Variants in FIGN observed in about 807,000 individuals in gnomAD.
FIGN encodes the protein fidgetin.
In FIGN, 11 loss-of-function variants were observed where a neutral mutation model predicts 51.3. That is an observed-to-expected ratio of 0.21 (90% CI 0.13 to 0.35). FIGN has a LOEUF of 0.35. Among genes scored for constraint, FIGN ranks in the 10% least tolerant of loss-of-function variants. The pLI, the probability that FIGN is intolerant of heterozygous loss-of-function variation, is 1.00. For missense variants in FIGN, 857 were observed against 943.6 expected, an observed-to-expected ratio of 0.91 and a Z score of 1.20; for synonymous variants, 407 against 363.2, an observed-to-expected ratio of 1.12 and a Z score of -1.37.
intron 2 of FIGN, among the ~76,000 whole-genome samples, chr2:163,645,045 T>C (rs1181250497): frequency 1.3e-5 from 2 of 152,174 alleles, no homozygotes; most frequent in African/African-American, 4.8e-5. Context: ...TACTAGAAAC[T>C]ATTGAACTGT....
In FIGN at chr2:163,709,346, T is replaced by C. The variant is rs78914192; in HGVS notation, c.25+25557A>G. Among the ~76,000 whole-genome samples, 589 of 152,264 alleles carry C rather than the reference T, an allele frequency of 3.9e-3. 4 individuals carry two copies. The highest frequency in any genetic ancestry group is 0.014 in the African/African-American group (572 of 41,558). ...ACAACTAGCTAATTACATGGGATCA[T>C]CTTTCACTTAATTGAAACTACATGC... On this transcript the variant is annotated intron_variant, in intron 2 of 2. Coordinates refer to ENST00000333129, the MANE Select transcript of FIGN (RefSeq NM_018086.4).
At chr2:163,696,110 C>G (rs546074260) in intron 2 of FIGN, among the ~76,000 whole-genome samples, 1 of 150,946 alleles carries the variant, frequency 6.6e-6, no homozygotes, top group African/African-American at 2.4e-5. Flanking sequence ...GACTCCATCT[C>G]AAAAAAACAA....
intron 2 of FIGN, among the ~76,000 whole-genome samples, chr2:163,663,909 GAT>G (rs902347820): frequency 6.8e-5 from 10 of 146,722 alleles, no homozygotes; most frequent in Non-Finnish European, 1.4e-4. Context: ...AAAAAAAAAA[GAT>G]AGTTTACTCT....
At chr2:163,730,499 C>CATGTTTGT (rs758257214) in intron 2 of FIGN, among the ~76,000 whole-genome samples, 2 of 128,178 alleles carry the variant, frequency 1.6e-5, no homozygotes, top group South Asian at 2.3e-4. Flanking sequence ...TCTCTTGCTC[C>CATGTTTGT]GTGTTTGTGT....
At position 163,675,706 on chromosome 2, in the gene FIGN, CTTTTTTTTTTT is replaced by C. The variant is rs900840520; in HGVS notation, c.25+59186_25+59196del. Among the ~76,000 whole-genome samples, 236 of 100,522 alleles carry C rather than the reference CTTTTTTTTTTT, an allele frequency of 2.3e-3. 1 individual carries two copies. Among genetic ancestry groups the C allele is most frequent in the South Asian group, 4.8e-3 (14 of 2,938 alleles). The allele number at this position is 100,522 out of a possible 152,430, so 65.9% of individuals were successfully genotyped here. ...TGAATGTCTTTTCTTTTCTTTCTTT[CTTTTTTTTTTT>C]TTTTTTTTTTTTGTACAAGCATGTC... is the stretch of plus-strand genomic sequence containing the variant. On this transcript the variant is annotated intron_variant, in intron 2 of 2. Transcript: ENST00000333129.
chr2:163,695,919 C>T (rs1031995646), intron 2 of FIGN, among the ~76,000 whole-genome samples: 8 of 152,080 alleles, frequency 5.3e-5, no homozygotes, highest in African/African-American at 9.7e-5. Flanking sequence ...ACCAGCCTGG[C>T]CAATATGGTG....
chr2:163,703,839 C>G (rs1311201887), intron 2 of FIGN, among the ~76,000 whole-genome samples: 1 of 152,102 alleles, frequency 6.6e-6, no homozygotes, highest in Non-Finnish European at 1.5e-5. Context: ...AAAAGAATCT[C>G]CATCCTTCTA....
intron 2 of FIGN, among the ~76,000 whole-genome samples, chr2:163,661,725 T>A (rs571685376): frequency 6.6e-6 from 1 of 152,292 alleles, no homozygotes; most frequent in East Asian, 1.9e-4. Flanking sequence ...TCCCATGCTA[T>A]TCCCGTGTTA....
chr2:163,644,997 A>C (rs1405906788), intron 2 of FIGN, among the ~76,000 whole-genome samples: 1 of 152,162 alleles, frequency 6.6e-6, no homozygotes, highest in Non-Finnish European at 1.5e-5. Context: ...AAATGTTCTA[A>C]AGCTGACTAT....
chr2:163,724,858 G>A (rs948646880), intron 2 of FIGN, among the ~76,000 whole-genome samples: 16 of 152,012 alleles, frequency 1.1e-4, no homozygotes, highest in Non-Finnish European at 2.1e-4. Context: ...GAAAAGATAC[G>A]GAGAATATAA....
Position 163,727,381 on chromosome 2 carries a change from G to A in FIGN, c.25+7522C>T, listed in dbSNP as rs1460677. ...AATATTTCAAGTTTGCAATGGCTTA[G>A]TTAAAAAAAAAAAAAATATTCCTAA... On this transcript the variant is annotated intron_variant, in intron 2 of 2. Coordinates refer to ENST00000333129, the MANE Select transcript of FIGN (RefSeq NM_018086.4). 4.8e-5 allele frequency among the ~76,000 whole-genome samples: 4 copies of A among 83,616 alleles called. No individual in the cohort carries two copies. In the East Asian group the frequency reaches 1.1e-3, roughly 24 times the overall value. The allele number at this position is 83,616 out of a possible 152,430, so 54.9% of individuals were successfully genotyped here.
chr2:163,725,241 C>A (rs766870786), intron 2 of FIGN, among the ~76,000 whole-genome samples: 12 of 151,258 alleles, frequency 7.9e-5, no homozygotes, highest in Non-Finnish European at 1.5e-4. Flanking sequence ...GTCTTGCAGA[C>A]AAATATCAAA....
At chr2:163,682,745 T>C (rs752685978) in intron 2 of FIGN, among the ~76,000 whole-genome samples, 6 of 152,200 alleles carry the variant, frequency 3.9e-5, no homozygotes, top group Non-Finnish European at 7.3e-5. Context: ...CAAGTGTTCA[T>C]TCAACAAATA....
chr2:163,688,754 T>C (rs1684193620), intron 2 of FIGN, among the ~76,000 whole-genome samples: 2 of 152,194 alleles, frequency 1.3e-5, no homozygotes, highest in African/African-American at 4.8e-5. Flanking sequence ...TTAACAACTC[T>C]GGATTCCTCT....
chr2:163,731,619 A>G (rs1466292809), intron 2 of FIGN, among the ~76,000 whole-genome samples: 1 of 152,078 alleles, frequency 6.6e-6, no homozygotes, highest in Non-Finnish European at 1.5e-5. Flanking sequence ...ACTAAAGAAT[A>G]AAACCCCCTA....
intron 2 of FIGN, among the ~76,000 whole-genome samples, chr2:163,733,558 G>T (rs796802302): frequency 6.6e-6 from 1 of 152,222 alleles, no homozygotes; most frequent in African/African-American, 2.4e-5. Flanking sequence ...ACAGCTCCGG[G>T]GGAAAAAAAG....
In FIGN at chr2:163,719,598, T is replaced by C. The variant is rs1487843235; in HGVS notation, c.25+15305A>G. ...CTAAAATAGAGTTAACTGCTATATG[T>C]AAAATTTCTGCACAGCAGATGGTTA... is the stretch of plus-strand genomic sequence containing the variant. On this transcript the variant is annotated intron_variant, in intron 2 of 2. Transcript: ENST00000333129. 2.0e-5 allele frequency among the ~76,000 whole-genome samples: 3 copies of C among 152,236 alleles called. No homozygotes were observed. In the East Asian group the frequency reaches 5.8e-4, roughly 29 times the overall value.
chr2:163,718,747 T>G (rs1684708404), intron 2 of FIGN, among the ~76,000 whole-genome samples: 1 of 151,706 alleles, frequency 6.6e-6, no homozygotes, highest in Non-Finnish European at 1.5e-5. Flanking sequence ...ATCAAATAAG[T>G]GAAAGTTAGA....
intron 2 of FIGN, among the ~76,000 whole-genome samples, chr2:163,686,795 CATATAT>C (rs771554104): frequency 1.3e-5 from 2 of 150,222 alleles, no homozygotes; most frequent in African/African-American, 4.9e-5. Flanking sequence ...CACACACACA[CATATAT>C]ATATATTCTT....
Sources: allele counts gnomAD v4.1 joint callset (sites outside exome capture counted in the v4.1 genomes callset), GRCh38; gene constraint gnomAD v4.1.1; transcripts MANE v1.5; gene names NCBI Gene and HGNC (gene_info 2026-07-23, HGNC 2026-07-21).